The following SOCS7 variants were observed in gnomAD, a reference collection of about 807,000 sequenced individuals.
SOCS7 encodes suppressor of cytokine signaling 7.
A neutral mutation model predicts 58.9 loss-of-function variants in SOCS7; 18 were observed. That is an observed-to-expected ratio of 0.31 (90% confidence interval 0.21 to 0.45). The LOEUF (loss-of-function observed/expected upper bound fraction) is 0.45, where lower values mean the gene tolerates loss of function less well. SOCS7 is among the 20% of genes least tolerant of loss of function. The probability of loss-of-function intolerance (pLI) is 1.00; values close to 1 mark genes in which losing one functional copy is unlikely to be tolerated. For missense variants in SOCS7, 667 were observed against 837.3 expected (o/e 0.80, Z 2.51); for synonymous variants, 388 against 364.3 (o/e 1.06, Z -0.74).
At chr17:38,380,982 C>G (rs2037993417) in intron 7 of SOCS7, among the ~76,000 whole-genome samples, 2 of 152,184 alleles carry the variant, frequency 1.3e-5, no homozygotes, top group Admixed American at 6.5e-5. Flanking sequence ...CTCGGTTGAT[C>G]AGTGCTGAAG....
At position 38,353,049 on chromosome 17, in the gene SOCS7, G is replaced by C. The variant is rs1336098355; in HGVS notation, c.980+17G>C. ...CGCGGGGAGGTGAGACCGGCCGGGGGCTGGCCGACAAACTTCCTTTTCTTG... is the reference window on the plus strand; with the variant it reads ...CGCGGGGAGGTGAGACCGGCCGGGGCCTGGCCGACAAACTTCCTTTTCTTG... On this transcript the variant is annotated intron_variant, in intron 1 of 9. Coordinates refer to ENST00000612932, the MANE Select transcript of SOCS7 (RefSeq NM_014598.4). The C allele has an allele frequency of 8.4e-6, 13 of 1,545,462 alleles. No homozygotes were observed. Among genetic ancestry groups the C allele is most frequent in the Non-Finnish European group, 1.1e-5 (13 of 1,151,228 alleles).
rs879879123 is a variant in SOCS7, at chr17:38,352,559, G to A, written c.507G>A (p.Glu169=). 1 of 1,549,672 alleles carries A rather than the reference G, an allele frequency of 6.5e-7. No individual in the cohort carries two copies. The highest frequency in any genetic ancestry group is 8.7e-7 in the Non-Finnish European group (1 of 1,146,674). The change falls in exon 1 of 10, where the codon GAG becomes GAA. Residue 169 remains glutamate (E), a synonymous_variant. Transcript: ENST00000612932. This position sits in a 1 kb window ranked among gnomAD's most constrained non-coding sequence, Gnocchi z 5.5. ...CTGCTGCCGCCCCGCAGGCCGGGGA[G>A]GACCCCACGGAAACGAGCGACGCGC... ...QPPAAAPQAG[E]DPTETSDALL...
intron 6 of SOCS7, among the ~76,000 whole-genome samples, chr17:38,370,143 G>C (rs756754267): frequency 6.6e-6 from 1 of 151,546 alleles, no homozygotes; most frequent in Non-Finnish European, 1.5e-5. Context: ...GATTACAGGT[G>C]TGCACCACCA....
chr17:38,361,297 A>G (rs2037716452), intron 1 of SOCS7, among the ~76,000 whole-genome samples: 2 of 152,262 alleles, frequency 1.3e-5, no homozygotes, highest in South Asian at 2.1e-4. Context: ...GACCTATCCT[A>G]TAGGCAAGCC....
Position 38,400,107 on chromosome 17 carries a change from T to C in SOCS7, c.*625T>C, listed in dbSNP as rs751434648. 6.6e-6 allele frequency: 1 copy of C among 152,182 alleles called. No individual in the cohort carries two copies. The highest frequency in any genetic ancestry group is 1.5e-5 in the Non-Finnish European group (1 of 68,040). 9.4% of individuals were successfully genotyped at this position (152,182 alleles called of 1,614,324 possible). On this transcript the variant is annotated 3_prime_UTR_variant, in exon 10 of 10. Transcript: ENST00000612932. ...AGAATATTGGGCAAAACCTAGCCAA[T>C]TGGCCTTAGCTGGGAGAAGTAGTGA...
At position 38,378,097 on chromosome 17, in the gene SOCS7, T is replaced by C. The variant is rs575633664; in HGVS notation, c.1681+255T>C. On this transcript the variant is annotated intron_variant, in intron 7 of 9. Coordinates refer to ENST00000612932, the MANE Select transcript of SOCS7 (RefSeq NM_014598.4). ...TTCCACCTCTGATGTCCAGGCATCA[T>C]GTGAACATTTGACATTTGGAGGTAT... 2.0e-4 allele frequency among the ~76,000 whole-genome samples: 30 copies of C among 152,352 alleles called. No individual in the cohort carries two copies. In the South Asian group the frequency reaches 6.0e-3, roughly 30 times the overall value.
At chr17:38,389,908 G>GTACATATATATATAT (rs2038146914) in intron 7 of SOCS7, among the ~76,000 whole-genome samples, 2 of 6,778 alleles carry the variant, frequency 3.0e-4, no homozygotes, top group African/African-American at 4.4e-4. Flanking sequence ...TACACATATA[G>GTACATATATATATAT]AGAGAGAGAG....
intron 1 of SOCS7, among the ~76,000 whole-genome samples, chr17:38,361,317 A>T (rs1048985526): frequency 6.6e-6 from 1 of 152,270 alleles, no homozygotes; most frequent in Admixed American, 6.5e-5. Context: ...CCAGAGGGAA[A>T]CTTTGCTCTG....
At chr17:38,365,544 G>A (rs758265244) in intron 4 of SOCS7, 135 bp downstream of exon 4, 100 of 545,852 alleles carry the variant, frequency 1.8e-4, no homozygotes, top group Admixed American at 3.6e-4. Context: ...CCCTTGGCTG[G>A]ACCAGACTCC....
chr17:38,384,475 G>A (rs886261982), intron 7 of SOCS7, among the ~76,000 whole-genome samples: 2 of 151,846 alleles, frequency 1.3e-5, no homozygotes, highest in South Asian at 2.1e-4. Context: ...CAATTTTTTT[G>A]TTGAGACAAG....
chr17:38,377,590 T>C, intron 6 of SOCS7, 124 bp from the exon 7 acceptor site: 1 of 776,080 alleles, frequency 1.3e-6, no homozygotes, highest in Non-Finnish European at 2.0e-6. Context: ...TCAGAGACCT[T>C]TGAGCCAGCT....
chr17:38,358,903 CG>C (rs905266143), intron 1 of SOCS7, among the ~76,000 whole-genome samples: 22 of 151,644 alleles, frequency 1.5e-4, no homozygotes, highest in Non-Finnish European at 7.4e-5. Context: ...TTCAAAATGC[CG>C]GGGGTGGGGG....
In SOCS7 at chr17:38,352,441, G is replaced by C; in HGVS notation, c.389G>C (p.Gly130Ala). The C allele has an allele frequency of 6.9e-7, 1 of 1,458,562 alleles. No homozygotes were observed. The highest frequency in any genetic ancestry group is 9.0e-7 in the Non-Finnish European group (1 of 1,108,364). 90.4% of individuals were successfully genotyped at this position (1,458,562 alleles called of 1,614,324 possible). A position where few individuals can be genotyped will look rare whatever the true frequency, so the allele number is the denominator to read the frequency against. Residue 130 changes from glycine (G) to alanine (A), a missense_variant, in exon 1 of 10, where the codon GGG (glycine) becomes GCG (alanine). This residue lies in a region of SOCS7 where 154 missense variants were observed against 156.3 expected (regional missense o/e 0.98). Transcript: ENST00000612932. This position sits in a 1 kb window ranked among gnomAD's most constrained non-coding sequence, Gnocchi z 5.5. ...LEAQLAALGL[G>A]QPAGPGVKTV... ...GCGCAGTTGGCGGCTCTGGGGCTCG[G>C]GCAGCCGGCGGGGCCGGGGGTCAAG... is the stretch of plus-strand genomic sequence containing the variant.
intron 7 of SOCS7, among the ~76,000 whole-genome samples, chr17:38,394,842 G>A (rs1194558531): frequency 1.3e-5 from 2 of 152,196 alleles, no homozygotes; most frequent in Non-Finnish European, 2.9e-5. Flanking sequence ...TTGAGCCCAG[G>A]AGTTCGAGAC....
intron 4 of SOCS7, 36 bp downstream of exon 4, chr17:38,365,445 G>A: frequency 7.1e-7 from 1 of 1,409,632 alleles, no homozygotes; most frequent in Non-Finnish European, 9.9e-7. Context: ...TGTAAGAGTT[G>A]GGAGTACAAA....
chr17:38,367,685 T>C (rs2037809608), intron 5 of SOCS7, among the ~76,000 whole-genome samples, 197 bp from the exon 6 acceptor site: 1 of 152,262 alleles, frequency 6.6e-6, no homozygotes, highest in Non-Finnish European at 1.5e-5. Flanking sequence ...GAATTATTAT[T>C]CTGTTACTTT....
At position 38,352,478 on chromosome 17, in the gene SOCS7, G is replaced by A. The variant is rs769265291; in HGVS notation, c.426G>A (p.Gly142=). ...GGCCGGGGGTCAAGACAGTCGGTGG[G>A]GGTTGCTGCCCGTGTCCGTGTCCTC... ...PAGPGVKTVG[G]GCCPCPCPPQ... The change falls in exon 1 of 10, where the codon GGG becomes GGA. Residue 142 remains glycine, a synonymous_variant. Coordinates refer to ENST00000612932, the MANE Select transcript of SOCS7 (RefSeq NM_014598.4). The surrounding 1 kb of genome is among the most constrained non-coding windows in gnomAD (Gnocchi z 5.5). 68 of 1,520,708 alleles carry A rather than the reference G, an allele frequency of 4.5e-5. No individual in the cohort carries two copies. Among genetic ancestry groups the A allele is most frequent in the Non-Finnish European group, 5.6e-5 (64 of 1,133,376 alleles). 94.2% of individuals were successfully genotyped at this position (1,520,708 alleles called of 1,614,324 possible).
Position 38,400,229 on chromosome 17 carries a change from T to C in SOCS7, c.*747T>C, listed in dbSNP as rs2038300715. Reference sequence around the variant, plus strand: ...GATTTACTTAATTCCTTAAGTTCCATGACCTGAAGTTAACCCCGTTCTTCC... The same window carrying C: ...GATTTACTTAATTCCTTAAGTTCCACGACCTGAAGTTAACCCCGTTCTTCC... On this transcript the variant is annotated 3_prime_UTR_variant, in exon 10 of 10. Transcript: ENST00000612932. The C allele has an allele frequency of 6.6e-6, 1 of 152,346 alleles. No individual in the cohort carries two copies. The highest frequency in any genetic ancestry group is 1.5e-5 in the Non-Finnish European group (1 of 68,040). The allele number at this position is 152,346 out of a possible 1,614,324, so 9.4% of individuals were successfully genotyped here. A position where few individuals can be genotyped will look rare whatever the true frequency, so the allele number is the denominator to read the frequency against.
rs1229962253 is a variant in SOCS7, at chr17:38,401,752, G to C, written c.*2270G>C. The C allele has an allele frequency of 1.3e-5, 2 of 152,294 alleles. No homozygotes were observed. The highest frequency in any genetic ancestry group is 4.8e-5 in the African/African-American group (2 of 41,452). 9.4% of individuals were successfully genotyped at this position (152,294 alleles called of 1,614,324 possible). On this transcript the variant is annotated 3_prime_UTR_variant, in exon 10 of 10. Coordinates refer to ENST00000612932, the MANE Select transcript of SOCS7 (RefSeq NM_014598.4). ...TGAGATGAAAAACACATGAGCAAAA[G>C]CAAGGAAGCAGAAATCTGCATGGCA...
Sources: allele counts gnomAD v4.1 joint callset (sites outside exome capture counted in the v4.1 genomes callset), GRCh38; gene constraint gnomAD v4.1.1; regional missense constraint gnomAD v4.1.1; non-coding constraint Gnocchi (gnomAD v3.1); transcripts MANE v1.5; gene names NCBI Gene and HGNC (gene_info 2026-07-23, HGNC 2026-07-21).